The following ROBO2 variants were observed in gnomAD, a reference collection of about 807,000 sequenced individuals.
ROBO2 encodes the protein roundabout guidance receptor 2.
Under a neutral mutation model 160.8 loss-of-function variants are expected in ROBO2, and 53 were observed. The ratio of observed to expected loss-of-function variants is 0.33; its 90% CI spans 0.26 to 0.41. The LOEUF (loss-of-function observed/expected upper bound fraction) is 0.41, where lower values mean the gene tolerates loss of function less well. Among genes scored for constraint, ROBO2 ranks in the 10% least tolerant of loss-of-function variants. The pLI is 1.00. For missense variants in ROBO2, 1,577 were observed against 1,722.4 expected, an observed-to-expected ratio of 0.92 and a Z score of 1.49; for synonymous variants, 664 against 611.7, an observed-to-expected ratio of 1.09 and a Z score of -1.26.
At chr3:76,748,715 A>C (rs952056721) in intron 2 of ROBO2, among the ~76,000 whole-genome samples, 6 of 151,910 alleles carry the variant, frequency 3.9e-5, no homozygotes, top group African/African-American at 1.4e-4. Flanking sequence ...TAAGGGCATG[A>C]GAAATCATGC....
intron 6 of ROBO2, among the ~76,000 whole-genome samples, chr3:77,530,716 T>A (rs775752): frequency 0.44 from 66,944 of 151,814 alleles, 14,904 homozygotes; most frequent in African/African-American, 0.49. Context: ...ACTTTAATAA[T>A]TAAAAATCCA....
Position 77,180,020 on chromosome 3 carries a change from C to T in ROBO2, c.388+81680C>T, listed in dbSNP as rs139718363. Among the ~76,000 whole-genome samples, 10 of 152,066 alleles carry T rather than the reference C, an allele frequency of 6.6e-5. No homozygotes were observed. The East Asian group carries it at 1.9e-3, about 30-fold the overall frequency. On this transcript the variant is annotated intron_variant, in intron 2 of 25. Coordinates refer to ENST00000461745, the Ensembl canonical transcript of ROBO2. ...GAGATGGGGAGGGAGTCGATAAAAG[C>T]ATCAGGGCTTGTTTGGAGTAACACT...
At chr3:77,037,351 T>G (rs1458007984), upstream of ROBO2, among the ~76,000 whole-genome samples, 1 of 152,146 alleles carries the variant, frequency 6.6e-6, no homozygotes, top group Non-Finnish European at 1.5e-5. Context: ...GTAGCTAGTG[T>G]ATGGCAAACA....
chr3:76,040,157 A>AT (rs200023641), intron 2 of ROBO2, among the ~76,000 whole-genome samples: 1,740 of 152,022 alleles, frequency 0.011, 19 homozygotes, highest in Non-Finnish European at 0.02. Flanking sequence ...AAAATGGGAA[A>AT]TTTTAGCAAT....
At chr3:76,702,337 G>T (rs141583317) in intron 2 of ROBO2, among the ~76,000 whole-genome samples, 105 of 152,138 alleles carry the variant, frequency 6.9e-4, no homozygotes, top group African/African-American at 2.5e-3. Flanking sequence ...TGTATCAAGA[G>T]AATTGTTTAA....
chr3:76,320,288 T>C (rs912086682), intron 2 of ROBO2, among the ~76,000 whole-genome samples: 7 of 152,172 alleles, frequency 4.6e-5, no homozygotes, highest in South Asian at 2.1e-4. Context: ...TATATTCTTA[T>C]GTAGAGAAAA....
intron 2 of ROBO2, among the ~76,000 whole-genome samples, chr3:77,410,737 C>T (rs1288138479): frequency 2.2e-5 from 3 of 137,250 alleles, no homozygotes; most frequent in African/African-American, 7.8e-5. Flanking sequence ...TCCTCTTCCT[C>T]CTCCTTTTCC....
chr3:76,443,624 A>G (rs2077030104), intron 2 of ROBO2, among the ~76,000 whole-genome samples: 1 of 152,198 alleles, frequency 6.6e-6, no homozygotes, highest in South Asian at 2.1e-4. Context: ...GTACAAGGTA[A>G]TCACTAGAAA....
At chr3:76,192,207 C>T (rs1045133639) in intron 2 of ROBO2, among the ~76,000 whole-genome samples, 1 of 149,714 alleles carries the variant, frequency 6.7e-6, no homozygotes, top group Non-Finnish European at 1.5e-5. Context: ...AGTTAGTGCC[C>T]TTAGTAACCT....
At chr3:76,347,047 A>G (rs2074575241) in intron 2 of ROBO2, among the ~76,000 whole-genome samples, 1 of 152,056 alleles carries the variant, frequency 6.6e-6, no homozygotes, top group South Asian at 2.1e-4. Flanking sequence ...AATACCATTC[A>G]GACAAAATAA....
At chr3:77,397,722 G>C (rs979112112) in intron 2 of ROBO2, among the ~76,000 whole-genome samples, 2 of 152,074 alleles carry the variant, frequency 1.3e-5, no homozygotes, top group African/African-American at 4.8e-5. Context: ...CAACAAATTG[G>C]TGTATAAATT....
At chr3:76,834,451 C>A (rs1002016484) in intron 2 of ROBO2, among the ~76,000 whole-genome samples, 12 of 151,944 alleles carry the variant, frequency 7.9e-5, no homozygotes, top group African/African-American at 2.9e-4. Flanking sequence ...TGGCTCACTG[C>A]AACCTCCTCC....
intron 1 of ROBO2, among the ~76,000 whole-genome samples, chr3:77,096,243 C>T (rs570991007): frequency 6.6e-6 from 1 of 152,180 alleles, no homozygotes; most frequent in Non-Finnish European, 1.5e-5. Flanking sequence ...TTAAGAAGTG[C>T]TTATCTATAT....
intron 2 of ROBO2, among the ~76,000 whole-genome samples, chr3:76,816,459 G>A (rs1477606495): frequency 1.3e-5 from 2 of 152,032 alleles, no homozygotes; most frequent in South Asian, 2.1e-4. Context: ...GTGATTCAGA[G>A]TGTAGCAGTG....
chr3:77,416,467 C>A (rs1364924171), intron 2 of ROBO2, among the ~76,000 whole-genome samples: 1 of 152,068 alleles, frequency 6.6e-6, no homozygotes, highest in African/African-American at 2.4e-5. Context: ...GCCTGTAATC[C>A]CAGCACTTTA....
intron 2 of ROBO2, among the ~76,000 whole-genome samples, chr3:76,238,263 C>T (rs995556963): frequency 1.2e-4 from 19 of 152,050 alleles, no homozygotes; most frequent in African/African-American, 4.1e-4. Context: ...TCACAGTTGA[C>T]GTGGCTGGGA....
At chr3:76,902,534 CA>C (rs2075310800) in intron 2 of ROBO2, among the ~76,000 whole-genome samples, 1 of 152,000 alleles carries the variant, frequency 6.6e-6, no homozygotes, top group Non-Finnish European at 1.5e-5. Context: ...AAAAATATCT[CA>C]AAACATACTT....
Position 77,442,237 on chromosome 3 carries a change from G to A in ROBO2, c.389-35177G>A, listed in dbSNP as rs140636877. Among the ~76,000 whole-genome samples the A allele has an allele frequency of 1.4e-3, 207 of 152,056 alleles. 1 individual carries two copies. The highest frequency in any genetic ancestry group is 4.7e-3 in the African/African-American group (196 of 41,506). On this transcript the variant is annotated intron_variant, in intron 2 of 25. Transcript: ENST00000461745. ...TGAGGCAGGAGAATGGCGTGAACCC[G>A]GGAGGCAGAGTTTGCAGTGAGCTGA...
At chr3:76,851,572 A>G (rs1265753653) in intron 2 of ROBO2, among the ~76,000 whole-genome samples, 1 of 150,072 alleles carries the variant, frequency 6.7e-6, no homozygotes, top group Non-Finnish European at 1.5e-5. Context: ...CGTCTCTACT[A>G]AAAATACAAA....
Sources: allele counts gnomAD v4.1 joint callset (sites outside exome capture counted in the v4.1 genomes callset), GRCh38; gene constraint gnomAD v4.1.1; transcripts MANE v1.5; gene names NCBI Gene and HGNC (gene_info 2026-07-23, HGNC 2026-07-21).